MACF1: variants seen among roughly 807,000 people sequenced by gnomAD.
MACF1 encodes the protein microtubule-actin cross-linking factor 1.
MACF1 carries 193 observed loss-of-function variants against 854.8 expected under a neutral mutation model. The observed-to-expected ratio is 0.23, with a 90% CI of 0.20 to 0.25. The LOEUF (loss-of-function observed/expected upper bound fraction) is 0.25, where lower values mean the gene tolerates loss of function less well. MACF1 is among the 10% of genes least tolerant of loss of function. The probability of loss-of-function intolerance (pLI) is 1.00; values close to 1 mark genes in which losing one functional copy is unlikely to be tolerated. For missense variants in MACF1, 7,722 were observed against 8,929.1 expected, an observed-to-expected ratio of 0.86 and a Z score of 5.45; for synonymous variants, 3,185 against 3,226.7, an observed-to-expected ratio of 0.99 and a Z score of 0.44.
chr1:39,223,776 C>G (rs138469283), intron 1 of MACF1, among the ~76,000 whole-genome samples: 1,779 of 152,222 alleles, frequency 0.012, 31 homozygotes, highest in African/African-American at 0.04. Flanking sequence ...TTCTGCCTCC[C>G]AAAGTGCTGG....
chr1:39,347,322 T>C (rs1358351827), intron 41 of MACF1, 112 bp downstream of exon 41: 8 of 816,716 alleles, frequency 9.8e-6, no homozygotes, highest in Non-Finnish European at 1.4e-5. Context: ...GTTTACCAAT[T>C]TTGAAATTTC....
Position 39,442,432 on chromosome 1 carries a change from G to A in MACF1, c.18969G>A (p.Leu6323=). 3.1e-6 allele frequency: 5 copies of A among 1,614,088 alleles called. No individual in the cohort carries two copies. In the Middle Eastern group the frequency reaches 6.6e-4, roughly 213 times the overall value. Residue 6323 remains leucine, a synonymous_variant, in exon 77 of 101, where the codon CTG becomes CTA. Coordinates refer to ENST00000564288, the MANE Select transcript of MACF1 (RefSeq NM_001394062.1). The part of the protein sequence containing the change: ...AHRQHKLEGA[L]LALGQFQHAL... ...AGTAGCACAAACTAGAAGGGGCTCTGTTGGCCCTTGGTCAGTTCCAGCATG... is the reference window on the plus strand; with the variant it reads ...AGTAGCACAAACTAGAAGGGGCTCTATTGGCCCTTGGTCAGTTCCAGCATG...
intron 2 of MACF1, among the ~76,000 whole-genome samples, chr1:39,155,682 C>T (rs920102535): frequency 1.3e-5 from 2 of 152,160 alleles, no homozygotes; most frequent in African/African-American, 4.8e-5. Flanking sequence ...ATCAGATTCT[C>T]ACTGGAGTTT....
chr1:39,364,495 ATT>A (rs1200355447), intron 49 of MACF1, among the ~76,000 whole-genome samples: 4 of 142,554 alleles, frequency 2.8e-5, no homozygotes, highest in Admixed American at 7.1e-5. Flanking sequence ...TAAACGTGGA[ATT>A]TTTTTTTTTT....
intron 11 of MACF1, among the ~76,000 whole-genome samples, chr1:39,284,668 T>G (rs796660639): frequency 6.6e-6 from 1 of 152,208 alleles, no homozygotes; most frequent in Admixed American, 6.5e-5. Context: ...TCAGAAATCT[T>G]GAGTTTTGTG....
intron 2 of MACF1, among the ~76,000 whole-genome samples, chr1:39,163,119 G>A (rs1004583938): frequency 2.6e-5 from 4 of 152,028 alleles, no homozygotes; most frequent in African/African-American, 7.2e-5. Context: ...TTGGGACGCC[G>A]AGGCTGGCGG....
intron 18 of MACF1, 31 bp downstream of exon 18, chr1:39,293,650 A>C (rs547632082): frequency 1.3e-6 from 2 of 1,589,964 alleles, no homozygotes; most frequent in East Asian, 2.2e-5. Context: ...GGCCTGTCAT[A>C]CTTATTTAAC....
At chr1:39,140,914 C>CAAAA (rs34687844) in intron 2 of MACF1, among the ~76,000 whole-genome samples, 2 of 48,288 alleles carry the variant, frequency 4.1e-5, no homozygotes, top group Non-Finnish European at 3.4e-5. Flanking sequence ...GACTCTGTCT[C>CAAAA]AAAAAAAAAA....
At chr1:39,349,830 A>G (rs934806590) in intron 42 of MACF1, among the ~76,000 whole-genome samples, 6 of 152,214 alleles carry the variant, frequency 3.9e-5, no homozygotes, top group East Asian at 1.9e-4. Flanking sequence ...GGGTATCACT[A>G]TGTTGCCAAA....
intron 2 of MACF1, among the ~76,000 whole-genome samples, chr1:39,146,916 A>T (rs534045089): frequency 5.3e-5 from 8 of 152,336 alleles, no homozygotes; most frequent in Non-Finnish European, 8.8e-5. Context: ...TGTGATTAGT[A>T]TACATTGCAT....
At chr1:39,374,940 C>G (rs914635457) in intron 52 of MACF1, among the ~76,000 whole-genome samples, 2 of 151,958 alleles carry the variant, frequency 1.3e-5, no homozygotes, top group Non-Finnish European at 2.9e-5. Flanking sequence ...GAAACCTCGT[C>G]TCTACTAAAA....
At chr1:39,210,343 G>T (rs1644500559) in intron 1 of MACF1, among the ~76,000 whole-genome samples, 1 of 151,858 alleles carries the variant, frequency 6.6e-6, no homozygotes, top group South Asian at 2.1e-4. Context: ...TTTAATCAAG[G>T]TAGAGTCTTT....
Position 39,438,018 on chromosome 1 carries a change from G to C in MACF1, c.18220+10G>C. 6.2e-7 allele frequency: 1 copy of C among 1,608,492 alleles called. No homozygotes were observed. The highest frequency in any genetic ancestry group is 8.5e-7 in the Non-Finnish European group (1 of 1,176,230). ...GATCTGGCTGCAAAAGGTGCTTGATGATTGTCATTATTTTTAAAAATCAAC... is the reference window on the plus strand; with the variant it reads ...GATCTGGCTGCAAAAGGTGCTTGATCATTGTCATTATTTTTAAAAATCAAC... On this transcript the variant is annotated intron_variant, in intron 71 of 100. Transcript: ENST00000564288.
At chr1:39,143,284 T>C (rs1338712844) in intron 2 of MACF1, among the ~76,000 whole-genome samples, 1 of 152,088 alleles carries the variant, frequency 6.6e-6, no homozygotes, top group African/African-American at 2.4e-5. Context: ...GCTCTTAGAG[T>C]GAATTATTGA....
intron 1 of MACF1, among the ~76,000 whole-genome samples, chr1:39,218,790 T>C (rs1477616710): frequency 6.6e-6 from 1 of 152,198 alleles, no homozygotes; most frequent in East Asian, 1.9e-4. Flanking sequence ...TTGTTTTGTT[T>C]TTTGAGACAG....
At position 39,484,716 on chromosome 1, in the gene MACF1, A is replaced by G. The variant is rs778790002; in HGVS notation, c.22397A>G (p.Lys7466Arg). 2.9e-5 allele frequency: 47 copies of G among 1,614,082 alleles called. No individual in the cohort carries two copies. The Admixed American group carries it at 4.8e-4, about 17-fold the overall frequency. ...TCTTCCCCGGCCTCCACAGGTGCCA[A>G]AACTAATCGGGCAGGTAAGTACCTG... ...NSSSPASTGA[K>R]TNRADPKKSA... The change falls in exon 100 of 101, where the codon AAA becomes AGA. Residue 7466 changes from lysine to arginine, a missense_variant. Lys to Arg is a conservative substitution (Grantham distance 26, BLOSUM62 2). Coordinates refer to ENST00000564288, the MANE Select transcript of MACF1 (RefSeq NM_001394062.1).
intron 70 of MACF1, 147 bp downstream of exon 70, chr1:39,435,908 C>T (rs1643963380): frequency 1.5e-6 from 1 of 669,966 alleles, no homozygotes. Flanking sequence ...CTTAGCCTAT[C>T]TTCATTTTTA....
In MACF1 at chr1:39,204,966, A is replaced by G. The variant is rs2148267061; in HGVS notation, c.-57A>G. On this transcript the variant is annotated 5_prime_UTR_variant, in exon 1 of 101. Coordinates refer to ENST00000564288, the MANE Select transcript of MACF1 (RefSeq NM_001394062.1). ...CAGTAACCTCAGGAGAAAGGCATCC[A>G]GAGGCCTGCGCTGAGCTTGTGGCTA... The G allele has an allele frequency of 1.4e-6, 1 of 701,008 alleles. No homozygotes were observed. The highest frequency in any genetic ancestry group is 1.7e-5 in the African/African-American group (1 of 57,364). 43.4% of individuals were successfully genotyped at this position (701,008 alleles called of 1,614,324 possible).
chr1:39,410,811 G>A (rs776923074), intron 58 of MACF1: 1 of 1,613,944 alleles, frequency 6.2e-7, no homozygotes, highest in East Asian at 2.2e-5. Context: ...CTGGTCATTT[G>A]GACCACAGGG....
Sources: gnomAD v4.1 joint callset for allele counts (sites outside exome capture counted in the v4.1 genomes callset) on GRCh38, gnomAD v4.1.1 for gene constraint, MANE v1.5 for transcripts, NCBI Gene and HGNC (gene_info 2026-07-23, HGNC 2026-07-21) for gene names.